VAV3: variants seen among roughly 807,000 people sequenced by gnomAD.
The protein encoded by VAV3 is guanine nucleotide exchange factor VAV3.
VAV3 carries 94 observed loss-of-function variants against 131.2 expected under a neutral mutation model. The observed-to-expected ratio is 0.72, with a 90% CI of 0.61 to 0.85. The LOEUF is 0.85. Among genes scored for constraint, VAV3 ranks in the 40% least tolerant of loss-of-function variants. VAV3 has a pLI of 0.00. For synonymous variants in VAV3, 349 were observed against 342.0 expected, an observed-to-expected ratio of 1.02 and a Z score of -0.22; for missense variants, 939 against 1,002.7, an observed-to-expected ratio of 0.94 and a Z score of 0.86.
chr1:107,787,992 G>A (rs1296041843), intron 2 of VAV3, among the ~76,000 whole-genome samples: 1 of 151,968 alleles, frequency 6.6e-6, no homozygotes, highest in Non-Finnish European at 1.5e-5. Context: ...AGACATTGGG[G>A]AAACTTTCTG....
chr1:107,765,229 G>A lies in VAV3; in HGVS notation c.822-54C>T, dbSNP rs762634585. The A allele has an allele frequency of 6.6e-6, 9 of 1,357,006 alleles. No homozygotes were observed. The South Asian group carries it at 1.1e-4, about 16-fold the overall frequency. The allele number at this position is 1,357,006 out of a possible 1,614,324, so 84.1% of individuals were successfully genotyped here. On this transcript the variant is annotated intron_variant, in intron 8 of 26. Transcript: ENST00000370056. ...TAAGACAAAAACCAAGAATGAACTG[G>A]AGGGGGAAACAAGCAGAATCTTCAT...
chr1:107,842,712 C>T (rs1668780547), intron 2 of VAV3, among the ~76,000 whole-genome samples: 1 of 151,968 alleles, frequency 6.6e-6, no homozygotes, highest in Admixed American at 6.6e-5. Flanking sequence ...CAGGGGGTGT[C>T]ATTTTTACGC....
rs144539753 is a variant in VAV3 at position 107,775,376 on chromosome 1, C to T, written c.446+1855G>A. On this transcript the variant is annotated intron_variant, in intron 4 of 26. Coordinates refer to ENST00000370056, the MANE Select transcript of VAV3 (RefSeq NM_006113.5). ...CAGGTGGATCATGAGGTCAGGAGTT[C>T]GAGACCATCCTGGCTACCACAGTGA... Among the ~76,000 whole-genome samples the T allele has an allele frequency of 7.4e-4, 113 of 151,970 alleles. No individual in the cohort carries two copies. The East Asian group carries it at 0.02, about 27-fold the overall frequency.
At chr1:107,812,898 C>T (rs926726318) in intron 2 of VAV3, among the ~76,000 whole-genome samples, 7 of 151,922 alleles carry the variant, frequency 4.6e-5, no homozygotes, top group African/African-American at 1.5e-4. Flanking sequence ...CCAAGGCAGG[C>T]GGATCACGAG....
chr1:107,689,964 AGTTAGAGC>A (rs2101776750), intron 17 of VAV3, among the ~76,000 whole-genome samples: 1 of 152,250 alleles, frequency 6.6e-6, no homozygotes, highest in Admixed American at 6.5e-5. Context: ...CCTACTGGTG[AGTTAGAGC>A]CTGAACTGAG....
At chr1:107,580,963 G>A (rs1467793848) in intron 25 of VAV3, among the ~76,000 whole-genome samples, 1 of 152,080 alleles carries the variant, frequency 6.6e-6, no homozygotes, top group Non-Finnish European at 1.5e-5. Context: ...ACACGTCCTG[G>A]AATAGAATTA....
At chr1:107,720,726 T>A (rs1661445360) in intron 15 of VAV3, among the ~76,000 whole-genome samples, 1 of 152,176 alleles carries the variant, frequency 6.6e-6, no homozygotes, top group African/African-American at 2.4e-5. Context: ...CCAGTGGGAC[T>A]TACAGGTTAT....
chr1:107,714,863 T>C lies in VAV3; in HGVS notation c.1503-9802A>G, dbSNP rs140622409. Among the ~76,000 whole-genome samples, 1,382 of 152,194 alleles carry C rather than the reference T, an allele frequency of 9.1e-3. 25 individuals are homozygous for C. The highest frequency in any genetic ancestry group is 0.032 in the African/African-American group (1,319 of 41,534). ...TCAGATCATGCTTAGCTCTGAAAAA[T>C]AGTATTTTCTTATCTACTATATATT... On this transcript the variant is annotated intron_variant, in intron 15 of 26. Coordinates refer to ENST00000370056, the MANE Select transcript of VAV3 (RefSeq NM_006113.5).
chr1:107,877,767 A>G (rs974456019), intron 1 of VAV3, among the ~76,000 whole-genome samples: 5 of 152,174 alleles, frequency 3.3e-5, no homozygotes, highest in Admixed American at 2.6e-4. Flanking sequence ...AAAAATGAAC[A>G]AGACAAAGCT....
chr1:107,917,186 A>C (rs1450856714), intron 1 of VAV3, among the ~76,000 whole-genome samples: 1 of 152,168 alleles, frequency 6.6e-6, no homozygotes, highest in Non-Finnish European at 1.5e-5. Flanking sequence ...GCAAGAACCC[A>C]CGCAAGAGAT....
chr1:107,598,140 G>C (rs1651537147), intron 24 of VAV3, among the ~76,000 whole-genome samples: 1 of 152,050 alleles, frequency 6.6e-6, no homozygotes, highest in African/African-American at 2.4e-5. Flanking sequence ...GATCACCTGA[G>C]GCCAGGAGTT....
intron 2 of VAV3, among the ~76,000 whole-genome samples, chr1:107,854,640 T>C (rs1268366351): frequency 6.6e-6 from 1 of 152,230 alleles, no homozygotes; most frequent in Non-Finnish European, 1.5e-5. Context: ...TGTTGCTAAA[T>C]CTAATGACAT....
At chr1:107,935,599 T>A (rs918291422) in intron 1 of VAV3, among the ~76,000 whole-genome samples, 1 of 152,166 alleles carries the variant, frequency 6.6e-6, no homozygotes, top group African/African-American at 2.4e-5. Flanking sequence ...CACTTACTCA[T>A]TGCAGTTACA....
chr1:107,630,956 G>A (rs1227533287), intron 20 of VAV3, among the ~76,000 whole-genome samples: 1 of 152,106 alleles, frequency 6.6e-6, no homozygotes, highest in Non-Finnish European at 1.5e-5. Context: ...CATATGTCCA[G>A]TCTATGAAAC....
intron 2 of VAV3, among the ~76,000 whole-genome samples, chr1:107,790,607 T>C (rs1468592059): frequency 6.6e-6 from 1 of 151,864 alleles, no homozygotes; most frequent in Non-Finnish European, 1.5e-5. Context: ...TTAAGCCTTC[T>C]GCTACAGCAT....
At chr1:107,609,871 C>A in intron 22 of VAV3, 60 bp downstream of exon 22, 1 of 1,539,010 alleles carries the variant, frequency 6.5e-7, no homozygotes, top group South Asian at 1.1e-5. Context: ...ACATTTAAGG[C>A]ATCCTGGAGC....
At chr1:107,716,332 A>G (rs1388697699) in intron 15 of VAV3, among the ~76,000 whole-genome samples, 1 of 152,216 alleles carries the variant, frequency 6.6e-6, no homozygotes, top group African/African-American at 2.4e-5. Flanking sequence ...AAGACTTTTA[A>G]AAGTGCTTTG....
intron 24 of VAV3, 34 bp from the exon 25 acceptor site, chr1:107,596,375 A>C: frequency 1.9e-6 from 3 of 1,608,622 alleles, no homozygotes; most frequent in Non-Finnish European, 2.5e-6. Flanking sequence ...ATTTTTGATA[A>C]GGATACTTTT....
At chr1:107,670,084 C>T (rs1657677579) in intron 19 of VAV3, among the ~76,000 whole-genome samples, 1 of 152,176 alleles carries the variant, frequency 6.6e-6, no homozygotes, top group South Asian at 2.1e-4. Flanking sequence ...TTTTCATCTC[C>T]ATTTTACAGA....
Sources: allele counts gnomAD v4.1 joint callset (sites outside exome capture counted in the v4.1 genomes callset), GRCh38; gene constraint gnomAD v4.1.1; transcripts MANE v1.5; gene names NCBI Gene and HGNC (gene_info 2026-07-23, HGNC 2026-07-21).